MSH6: variants seen among roughly 807,000 people sequenced by gnomAD.
The protein encoded by MSH6 is mutS homolog 6.
MSH6 carries 85 observed loss-of-function variants against 119.1 expected under a neutral mutation model. The observed-to-expected ratio is 0.71, with a 90% CI of 0.60 to 0.85. The LOEUF is 0.85. Ranked by LOEUF, MSH6 falls within the 40% of genes least tolerant of loss-of-function variation. The probability of loss-of-function intolerance (pLI) is 0.00; values close to 1 mark genes in which losing one functional copy is unlikely to be tolerated. For synonymous variants in MSH6, 830 were observed against 586.9 expected (o/e 1.41, Z -5.99); for missense variants, 2,163 against 1,655.3 (o/e 1.31, Z -5.32).
At chr2:47,803,278 A>G (rs1269019963) in intron 4 of MSH6, 142 bp from the exon 5 acceptor site, 2 of 1,171,096 alleles carry the variant, frequency 1.7e-6, no homozygotes, top group East Asian at 2.5e-5. Context: ...GAGGGTAAGT[A>G]TTTTGATGGG....
chr2:47,798,881 CG>C lies in MSH6; in HGVS notation c.900del (p.Lys301ArgfsTer4), dbSNP rs863225421. On this transcript the variant is annotated frameshift_variant, in exon 4 of 10. Coordinates refer to ENST00000234420, the MANE Select transcript of MSH6 (RefSeq NM_000179.3). LOFTEE classifies it high-confidence loss of function. ...LNSPVKVARK[R>X]KRMVTGNGSL... ...CAGCCCTGTCAAAGTTGCTCGAAAGCGGAAGAGAATGGTGACTGGAAATGGC... is the reference window on the plus strand; with the variant it reads ...CAGCCCTGTCAAAGTTGCTCGAAAGCGAAGAGAATGGTGACTGGAAATGGC... The C allele has an allele frequency of 6.2e-7, 1 of 1,614,006 alleles. No homozygotes were observed. The highest frequency in any genetic ancestry group is 1.3e-5 in the African/African-American group (1 of 74,992).
chr2:47,784,244 T>TA, intron 1 of MSH6: 1 of 999,242 alleles, frequency 1.0e-6, no homozygotes, highest in Non-Finnish European at 1.2e-6. Context: ...CTTCGGTAGG[T>TA]AGGCTGCACG....
rs1051564593 is a variant in MSH6 at position 47,806,618 on chromosome 2, T to C, written c.3968T>C (p.Phe1323Ser). ...IQKGHRKARE[F>S]EKMNQSLRLF... ...AAGGGACATAGAAAAGCAAGAGAAT[T>C]TGAGAAGATGAATCAGTCACTACGA... Residue 1323 changes from phenylalanine (F) to serine (S), a missense_variant, in exon 9 of 10, where the codon TTT becomes TCT. By Grantham distance (155) the Phe-to-Ser change is radical. Coordinates refer to ENST00000234420, the MANE Select transcript of MSH6 (RefSeq NM_000179.3). 9 of 1,612,362 alleles carry C rather than the reference T, an allele frequency of 5.6e-6. No individual in the cohort carries two copies. Among genetic ancestry groups the C allele is most frequent in the African/African-American group, 2.7e-5 (2 of 74,838 alleles).
At position 47,803,437 on chromosome 2, in the gene MSH6, G is replaced by A. The variant is rs587782492; in HGVS notation, c.3190G>A (p.Ala1064Thr). The A allele has an allele frequency of 6.2e-7, 1 of 1,614,130 alleles. No individual in the cohort carries two copies. The change falls in exon 5 of 10, where the codon GCT (alanine) becomes ACT (threonine). Residue 1064 changes from alanine to threonine, a missense_variant. Coordinates refer to ENST00000234420, the MANE Select transcript of MSH6 (RefSeq NM_000179.3). ...IAVLDVLLCL[A>T]NYSRGGDGPM... ...TTTAACAGATGTTTTACTGTGCCTG[G>A]CTAACTATAGTCGAGGGGGTGATGG... is the stretch of plus-strand genomic sequence containing the variant.
intron 1 of MSH6, among the ~76,000 whole-genome samples, chr2:47,788,362 C>T (rs1429416826): frequency 7.2e-6 from 1 of 139,040 alleles, no homozygotes; most frequent in African/African-American, 2.7e-5. Context: ...TCAAATGATT[C>T]TCCTGCTTCA....
downstream of MSH6, chr2:47,807,819 T>C: frequency 3.4e-6 from 1 of 296,218 alleles, no homozygotes; most frequent in Non-Finnish European, 6.4e-6. Context: ...CAATGCTAGT[T>C]GTAAAAACAC....
chr2:47,793,157 C>A (rs1386927316), intron 2 of MSH6, among the ~76,000 whole-genome samples: 1 of 151,158 alleles, frequency 6.6e-6, no homozygotes, highest in South Asian at 2.1e-4. Flanking sequence ...CCCGTCTCTA[C>A]TAAAAATACA....
In MSH6 at chr2:47,799,618, AGAG is replaced by A. The variant is rs779537048; in HGVS notation, c.1638_1640del (p.Glu547del). The A allele has an allele frequency of 6.2e-7, 1 of 1,614,136 alleles. No individual in the cohort carries two copies. Among genetic ancestry groups the A allele is most frequent in the Non-Finnish European group, 8.5e-7 (1 of 1,180,008 alleles). ...AGTATCTTCTTAGCCTCAAAGAAAAAGAGGAAGATTCTTCTGGCCATACTCGTG... is the reference window on the plus strand; with the variant it reads ...AGTATCTTCTTAGCCTCAAAGAAAAAGAAGATTCTTCTGGCCATACTCGTG... On this transcript the variant is annotated inframe_deletion, in exon 4 of 10. Transcript: ENST00000234420.
At chr2:47,788,904 TTCC>T (rs1558650053) in intron 1 of MSH6, among the ~76,000 whole-genome samples, 2 of 10,536 alleles carry the variant, frequency 1.9e-4, no homozygotes, top group Non-Finnish European at 3.9e-4. Flanking sequence ...TTCTTTCTTC[TTCC>T]TTTTTTTTTT....
intron 1 of MSH6, among the ~76,000 whole-genome samples, chr2:47,788,652 C>T (rs575892901): frequency 7.0e-4 from 103 of 147,682 alleles, no homozygotes; most frequent in Non-Finnish European, 1.3e-3. Context: ...TCACTGCAAC[C>T]TCCACCTCCC....
At chr2:47,806,123 C>T (rs986926302) in intron 7 of MSH6, 81 bp from the exon 8 acceptor site, 3 of 1,387,114 alleles carry the variant, frequency 2.2e-6, no homozygotes, top group Non-Finnish European at 3.0e-6. Flanking sequence ...TGTTGCTTTT[C>T]TGTCCTAGCA....
chr2:47,784,153 G>GT (rs1668201730), intron 1 of MSH6: 1 of 1,005,314 alleles, frequency 9.9e-7, no homozygotes, highest in South Asian at 4.7e-5. Flanking sequence ...GCGCGGGGGG[G>GT]TGTGTCACCA....
At chr2:47,795,061 G>A (rs1668986790) in intron 2 of MSH6, among the ~76,000 whole-genome samples, 1 of 152,148 alleles carries the variant, frequency 6.6e-6, no homozygotes, top group African/African-American at 2.4e-5. Flanking sequence ...CCAGAGTGCT[G>A]GGATTACAGG....
intron 1 of MSH6, among the ~76,000 whole-genome samples, chr2:47,787,941 A>G (rs1051965126): frequency 2.0e-5 from 3 of 152,160 alleles, no homozygotes; most frequent in African/African-American, 7.2e-5. Context: ...CAGGATTACC[A>G]CGGATAAAAT....
intron 4 of MSH6, among the ~76,000 whole-genome samples, chr2:47,802,159 T>C (rs1669640486): frequency 6.6e-6 from 1 of 152,232 alleles, no homozygotes; most frequent in Non-Finnish European, 1.5e-5. Context: ...GAATCATTCC[T>C]TTTTTCTGTA....
At chr2:47,803,346 G>C (rs2104469215) in intron 4 of MSH6, 74 bp from the exon 5 acceptor site, 1 of 1,573,012 alleles carries the variant, frequency 6.4e-7, no homozygotes, top group East Asian at 2.2e-5. Context: ...GTTATATAAA[G>C]AAGACCTATA....
intron 1 of MSH6, among the ~76,000 whole-genome samples, chr2:47,790,469 G>A (rs1216431706): frequency 6.6e-6 from 1 of 152,122 alleles, no homozygotes; most frequent in Non-Finnish European, 1.5e-5. Flanking sequence ...AAGATTCCAA[G>A]CAAGTCTAAT....
intron 2 of MSH6, among the ~76,000 whole-genome samples, chr2:47,792,622 G>A (rs933308127): frequency 6.6e-6 from 1 of 152,128 alleles, no homozygotes. Flanking sequence ...CCAAAGTGCT[G>A]AGACTACAGG....
rs2104503511 is a variant in MSH6 at position 47,804,901 on chromosome 2, C to T, written c.3439-9C>T. 6.2e-7 allele frequency: 1 copy of T among 1,606,834 alleles called. No individual in the cohort carries two copies. ...AGTCATAAAAGACCTTTTCCTCCCT[C>T]ATTCACAGGCTGGCTTATTAGCTGT... On this transcript the variant is annotated splice_polypyrimidine_tract_variant and intron_variant, in intron 5 of 9. Transcript: ENST00000234420.
Sources: allele counts gnomAD v4.1 joint callset (sites outside exome capture counted in the v4.1 genomes callset), GRCh38; gene constraint gnomAD v4.1.1; transcripts MANE v1.5; gene names NCBI Gene and HGNC (gene_info 2026-07-23, HGNC 2026-07-21).